ZBBX: variants seen among roughly 807,000 people sequenced by gnomAD.
ZBBX encodes the protein zinc finger B-box domain-containing protein 1.
ZBBX carries 101 observed loss-of-function variants against 108.5 expected under a neutral mutation model. The ratio of observed to expected loss-of-function variants is 0.93; its 90% CI spans 0.79 to 1.10. The LOEUF (loss-of-function observed/expected upper bound fraction) is 1.10, where lower values mean the gene tolerates loss of function less well. ZBBX is among the 50% of genes least tolerant of loss of function. ZBBX has a pLI of 0.00. For missense variants in ZBBX, 1,009 were observed against 941.4 expected, an observed-to-expected ratio of 1.07 and a Z score of -0.94; for synonymous variants, 356 against 323.4, an observed-to-expected ratio of 1.10 and a Z score of -1.08.
At chr3:167,375,376 G>C (rs1349580492) in intron 2 of ZBBX, among the ~76,000 whole-genome samples, 1 of 152,120 alleles carries the variant, frequency 6.6e-6, no homozygotes, top group Non-Finnish European at 1.5e-5. Flanking sequence ...CAGATGACTT[G>C]AGGTCAGGAG....
At chr3:167,394,710 A>T (rs2108638874) in intron 1 of ZBBX, among the ~76,000 whole-genome samples, 1 of 152,090 alleles carries the variant, frequency 6.6e-6, no homozygotes, top group African/African-American at 2.4e-5. Context: ...ACATATTGAG[A>T]AATTAGTTCC....
chr3:167,226,365 G>C, the ZBBX span, among the ~76,000 whole-genome samples: 1 of 151,542 alleles, frequency 6.6e-6, no homozygotes, highest in Non-Finnish European at 1.5e-5. Context: ...CTAGACTCTC[G>C]GAAACAAATG....
intron 9 of ZBBX, among the ~76,000 whole-genome samples, chr3:167,340,500 A>G (rs1740352355): frequency 6.6e-6 from 1 of 152,068 alleles, no homozygotes; most frequent in East Asian, 1.9e-4. Context: ...ATTTTTTTAC[A>G]TTATTAAAAT....
the ZBBX span, among the ~76,000 whole-genome samples, chr3:167,200,398 A>G: frequency 1.3e-5 from 2 of 152,184 alleles, no homozygotes; most frequent in African/African-American, 4.8e-5. Flanking sequence ...GCTTTCTGCT[A>G]GAGGGCATTT....
chr3:167,229,504 G>T, the ZBBX span, among the ~76,000 whole-genome samples: 32 of 151,872 alleles, frequency 2.1e-4, no homozygotes, highest in African/African-American at 7.7e-4. Context: ...TTATTAGGTG[G>T]ATGACACTGA....
intron 10 of ZBBX, 128 bp from the exon 11 acceptor site, chr3:167,328,244 C>G: frequency 1.1e-6 from 1 of 908,044 alleles, no homozygotes; most frequent in South Asian, 2.0e-5. Context: ...ACAAATCAGA[C>G]TTTTTAAACT....
chr3:167,291,490 C>T (rs1313551943), intron 18 of ZBBX, among the ~76,000 whole-genome samples: 5 of 152,114 alleles, frequency 3.3e-5, no homozygotes, highest in African/African-American at 1.2e-4. Flanking sequence ...AAATCATTTA[C>T]AGACAAGCAA....
chr3:167,346,404 G>A (rs553963067), intron 9 of ZBBX, among the ~76,000 whole-genome samples: 7 of 151,746 alleles, frequency 4.6e-5, no homozygotes, highest in Admixed American at 1.3e-4. Context: ...TTCAGAGATC[G>A]TAAGTAAAAC....
chr3:167,216,989 T>C, the ZBBX span, among the ~76,000 whole-genome samples: 1 of 152,162 alleles, frequency 6.6e-6, no homozygotes, highest in Non-Finnish European at 1.5e-5. Context: ...TATTAAAGAC[T>C]TAAATGTAAA....
At chr3:167,242,810 T>G (rs1720909647) in intron 20 of ZBBX, among the ~76,000 whole-genome samples, 167 bp from the exon 21 acceptor site, 1 of 152,200 alleles carries the variant, frequency 6.6e-6, no homozygotes, top group African/African-American at 2.4e-5. Context: ...TAAGTTTGAT[T>G]TGAGATTCCA....
At chr3:167,202,720 T>C in the ZBBX span, among the ~76,000 whole-genome samples, 6 of 152,120 alleles carry the variant, frequency 3.9e-5, no homozygotes, top group Admixed American at 6.6e-5. Context: ...ATAGCAGTTA[T>C]GAGGTACCAT....
At chr3:167,201,436 G>A in the ZBBX span, among the ~76,000 whole-genome samples, 1 of 151,806 alleles carries the variant, frequency 6.6e-6, no homozygotes, top group Non-Finnish European at 1.5e-5. Context: ...ATTCCTCATT[G>A]AACAGTTAAA....
upstream of ZBBX, among the ~76,000 whole-genome samples, chr3:167,380,861 T>C (rs1466820814): frequency 5.4e-5 from 6 of 110,972 alleles, no homozygotes; most frequent in Non-Finnish European, 1.1e-4. Flanking sequence ...CAAAAGCAAA[T>C]ATATGCACAC....
Position 167,359,997 on chromosome 3 carries a change from A to G in ZBBX, c.323-18T>C. On this transcript the variant is annotated intron_variant, in intron 7 of 21. Coordinates refer to ENST00000675490, the MANE Select transcript of ZBBX (RefSeq NM_001199201.2). ...CACTGGCTCTGCAAGATAAAAAATA[A>G]TATTACTCCAATCATTTAAAAATAT... 7.2e-7 allele frequency: 1 copy of G among 1,379,834 alleles called. No individual in the cohort carries two copies. Among genetic ancestry groups the G allele is most frequent in the Non-Finnish European group, 1.0e-6 (1 of 996,074 alleles). The allele number at this position is 1,379,834 out of a possible 1,614,324, so 85.5% of individuals were successfully genotyped here.
rs113782377 is a variant in ZBBX at position 167,249,943 on chromosome 3, G to A, written c.2255-7300C>T. On this transcript the variant is annotated intron_variant, in intron 20 of 21. Transcript: ENST00000675490. Reference sequence around the variant, plus strand: ...CAGGTGTGCATAATGGAGGGCTTACGTAGGACTAAGACTAAGCCTCTCAAT... The same window carrying A: ...CAGGTGTGCATAATGGAGGGCTTACATAGGACTAAGACTAAGCCTCTCAAT... 1.7e-3 allele frequency among the ~76,000 whole-genome samples: 255 copies of A among 152,292 alleles called. 1 individual carries two copies. The highest frequency in any genetic ancestry group is 4.8e-3 in the African/African-American group (201 of 41,546).
chr3:167,307,103 T>C (rs1239594233), intron 16 of ZBBX, among the ~76,000 whole-genome samples: 1 of 152,154 alleles, frequency 6.6e-6, no homozygotes, highest in Non-Finnish European at 1.5e-5. Flanking sequence ...AATCTCTCAA[T>C]AAACTAGGTA....
rs185992042 is a variant in ZBBX, at chr3:167,324,759, C to T, written c.863-2522G>A. On this transcript the variant is annotated intron_variant, in intron 11 of 21. Coordinates refer to ENST00000675490, the MANE Select transcript of ZBBX (RefSeq NM_001199201.2). ...GATGCTTGGTCCCATTGAAGCATTC[C>T]CCTCCAGTCATCTTCAGCCTATAGA... 3.6e-3 allele frequency among the ~76,000 whole-genome samples: 543 copies of T among 152,192 alleles called. 4 individuals carry two copies. Among genetic ancestry groups the T allele is most frequent in the African/African-American group, 0.013 (530 of 41,514 alleles).
chr3:167,216,786 G>A, the ZBBX span, among the ~76,000 whole-genome samples: 1 of 152,050 alleles, frequency 6.6e-6, no homozygotes, highest in Non-Finnish European at 1.5e-5. Flanking sequence ...ATAGACCAAC[G>A]GAACAGAATA....
chr3:167,246,303 T>C (rs545096058), intron 20 of ZBBX, among the ~76,000 whole-genome samples: 3 of 152,230 alleles, frequency 2.0e-5, no homozygotes, highest in Non-Finnish European at 2.9e-5. Flanking sequence ...TATCTCTTTG[T>C]AATTTGGCTG....
Sources: allele counts gnomAD v4.1 joint callset (sites outside exome capture counted in the v4.1 genomes callset), GRCh38; gene constraint gnomAD v4.1.1; transcripts MANE v1.5; gene names NCBI Gene and HGNC (gene_info 2026-07-23, HGNC 2026-07-21).